The following SMYD3 variants were observed in gnomAD, a reference collection of about 807,000 sequenced individuals.
The protein encoded by SMYD3 is histone-lysine N-methyltransferase SMYD3.
Under a neutral mutation model 57.7 loss-of-function variants are expected in SMYD3, and 36 were observed. That is an observed-to-expected ratio of 0.62 (90% CI 0.48 to 0.82). SMYD3 has a LOEUF of 0.82. Ranked by LOEUF, SMYD3 falls within the 40% of genes least tolerant of loss-of-function variation. The pLI is 0.00. For missense variants in SMYD3, 515 were observed against 538.8 expected, an observed-to-expected ratio of 0.96 and a Z score of 0.44; for synonymous variants, 211 against 195.0, an observed-to-expected ratio of 1.08 and a Z score of -0.68.
chr1:246,221,121 C>T (rs902963861), intron 5 of SMYD3, among the ~76,000 whole-genome samples: 17 of 152,166 alleles, frequency 1.1e-4, no homozygotes, highest in Non-Finnish European at 2.2e-4. Flanking sequence ...CTGGAGACAA[C>T]GGAACAACTA....
chr1:245,775,127 T>C (rs2046519748), intron 10 of SMYD3, among the ~76,000 whole-genome samples: 1 of 152,098 alleles, frequency 6.6e-6, no homozygotes, highest in East Asian at 1.9e-4. Context: ...CCGCCCCGTC[T>C]GGGAGGTGAG....
At chr1:246,015,456 G>A (rs1401615255) in intron 5 of SMYD3, among the ~76,000 whole-genome samples, 3 of 152,136 alleles carry the variant, frequency 2.0e-5, no homozygotes, top group Admixed American at 6.6e-5. Flanking sequence ...TATATATAAT[G>A]TAAAATTTAA....
chr1:246,124,886 G>A (rs984232727), intron 5 of SMYD3, among the ~76,000 whole-genome samples: 13 of 151,922 alleles, frequency 8.6e-5, no homozygotes, highest in African/African-American at 2.4e-4. Context: ...TTGAGACCAC[G>A]GTGAAACCCC....
chr1:246,349,937 T>C (rs974200357), intron 2 of SMYD3, among the ~76,000 whole-genome samples: 4 of 152,140 alleles, frequency 2.6e-5, no homozygotes, highest in Non-Finnish European at 5.9e-5. Flanking sequence ...AATAATCACT[T>C]TGAATATCAA....
chr1:246,099,737 GA>G (rs753481011), intron 5 of SMYD3, among the ~76,000 whole-genome samples: 1 of 152,128 alleles, frequency 6.6e-6, no homozygotes, highest in Non-Finnish European at 1.5e-5. Context: ...AGGGTTTCAT[GA>G]AAGACCTTCT....
chr1:246,424,195 T>C (rs2067185475), intron 1 of SMYD3, among the ~76,000 whole-genome samples: 1 of 151,796 alleles, frequency 6.6e-6, no homozygotes, highest in African/African-American at 2.4e-5. Flanking sequence ...GCACAGAAAA[T>C]AGGAGGGGAG....
intron 10 of SMYD3, among the ~76,000 whole-genome samples, chr1:245,786,611 A>C (rs2047058014): frequency 6.6e-6 from 1 of 152,002 alleles, no homozygotes; most frequent in Non-Finnish European, 1.5e-5. Flanking sequence ...AAGAACCCTA[A>C]CACACTCTGA....
intron 5 of SMYD3, among the ~76,000 whole-genome samples, chr1:246,152,833 A>G (rs2061963337): frequency 6.6e-6 from 1 of 152,074 alleles, no homozygotes. Flanking sequence ...TGGGGATGGT[A>G]AAAATAGGTA....
At chr1:245,762,404 C>T (rs1031590803) in intron 11 of SMYD3, among the ~76,000 whole-genome samples, 1 of 152,152 alleles carries the variant, frequency 6.6e-6, no homozygotes, top group Non-Finnish European at 1.5e-5. Flanking sequence ...GGGTGCATCG[C>T]ACATTAGGAA....
At chr1:246,293,225 C>A (rs2064729574) in intron 5 of SMYD3, among the ~76,000 whole-genome samples, 1 of 151,924 alleles carries the variant, frequency 6.6e-6, no homozygotes, top group Admixed American at 6.6e-5. Context: ...CTCCATGAGG[C>A]CCCAGCACTG....
At chr1:245,790,192 G>T (rs1365928758) in intron 10 of SMYD3, among the ~76,000 whole-genome samples, 2 of 152,202 alleles carry the variant, frequency 1.3e-5, no homozygotes, top group Non-Finnish European at 2.9e-5. Flanking sequence ...GGGGCTGGTA[G>T]ATGAGTAAAA....
At chr1:245,873,333 T>C (rs904300288) in intron 8 of SMYD3, among the ~76,000 whole-genome samples, 3 of 152,174 alleles carry the variant, frequency 2.0e-5, no homozygotes, top group African/African-American at 7.2e-5. Context: ...TTCACATCTG[T>C]AGAGAGACTA....
intron 10 of SMYD3, among the ~76,000 whole-genome samples, chr1:245,810,267 G>T (rs1224453665): frequency 6.6e-6 from 1 of 152,190 alleles, no homozygotes; most frequent in Non-Finnish European, 1.5e-5. Flanking sequence ...TCAGAACTAA[G>T]AGCCTACAAC....
At chr1:245,961,270 C>A (rs961540026) in intron 5 of SMYD3, among the ~76,000 whole-genome samples, 2 of 152,160 alleles carry the variant, frequency 1.3e-5, no homozygotes, top group Non-Finnish European at 2.9e-5. Context: ...TAATTTTCAA[C>A]CACAAAGTTC....
At position 246,066,050 on chromosome 1, in the gene SMYD3, A is replaced by G. The variant is rs73137848; in HGVS notation, c.532-136113T>C. ...TCTACCAAAACCAACTAAAAGGACA[A>G]GAGAACATAGAAGAAGGACAGTACA... On this transcript the variant is annotated intron_variant, in intron 5 of 11. Coordinates refer to ENST00000490107, the MANE Select transcript of SMYD3 (RefSeq NM_001167740.2). 9.7e-3 allele frequency among the ~76,000 whole-genome samples: 1,476 copies of G among 152,340 alleles called. 20 individuals are homozygous for G. Among genetic ancestry groups the G allele is most frequent in the African/African-American group, 0.033 (1,381 of 41,568 alleles).
chr1:246,412,700 T>C (rs2066996182), intron 1 of SMYD3, among the ~76,000 whole-genome samples: 1 of 151,810 alleles, frequency 6.6e-6, no homozygotes, highest in African/African-American at 2.4e-5. Context: ...CTACTAAAAG[T>C]ACAAAAAATT....
At chr1:246,490,083 C>T (rs1442498750) in intron 1 of SMYD3, among the ~76,000 whole-genome samples, 1 of 143,964 alleles carries the variant, frequency 6.9e-6, no homozygotes, top group Admixed American at 7.5e-5. Context: ...CTCAAGTGAT[C>T]TCACCTTGAC....
chr1:246,222,803 T>C (rs779963272), intron 5 of SMYD3, among the ~76,000 whole-genome samples: 44 of 152,126 alleles, frequency 2.9e-4, no homozygotes, highest in Non-Finnish European at 5.7e-4. Context: ...TGAAGAAATA[T>C]ACAGAATATA....
At chr1:245,777,565 A>G (rs2046656381) in intron 10 of SMYD3, among the ~76,000 whole-genome samples, 1 of 152,182 alleles carries the variant, frequency 6.6e-6, no homozygotes, top group Admixed American at 6.5e-5. Flanking sequence ...AATTGCATGT[A>G]CACAAGGGAG....
Sources: gnomAD v4.1 joint callset for allele counts (sites outside exome capture counted in the v4.1 genomes callset) on GRCh38, gnomAD v4.1.1 for gene constraint, MANE v1.5 for transcripts, NCBI Gene and HGNC (gene_info 2026-07-23, HGNC 2026-07-21) for gene names.